The following GRIK1 variants were observed in gnomAD, a reference collection of about 807,000 sequenced individuals.
The protein encoded by GRIK1 is glutamate receptor ionotropic, kainate 1.
A neutral mutation model predicts 105.7 loss-of-function variants in GRIK1; 69 were observed. That is an observed-to-expected ratio of 0.65 (90% CI 0.54 to 0.80). The LOEUF (loss-of-function observed/expected upper bound fraction) is 0.80, where lower values mean the gene tolerates loss of function less well. Ranked by LOEUF, GRIK1 falls within the 30% of genes least tolerant of loss-of-function variation. The probability of loss-of-function intolerance (pLI) is 0.00; values close to 1 mark genes in which losing one functional copy is unlikely to be tolerated. For missense variants in GRIK1, 1,109 were observed against 1,167.3 expected (o/e 0.95, Z 0.73); for synonymous variants, 438 against 431.3 (o/e 1.02, Z -0.19).
At chr21:29,609,931 G>A (rs1322688427) in intron 7 of GRIK1, among the ~76,000 whole-genome samples, 6 of 152,106 alleles carry the variant, frequency 3.9e-5, no homozygotes, top group Admixed American at 3.9e-4. Context: ...TAATATGCCA[G>A]GAATGTATCT....
chr21:29,844,220 T>C (rs1161685771), intron 1 of GRIK1, among the ~76,000 whole-genome samples: 2 of 152,208 alleles, frequency 1.3e-5, no homozygotes, highest in Middle Eastern at 3.2e-3. Flanking sequence ...CCTTTGCAGA[T>C]ATAGAGCCTT....
chr21:29,771,542 G>A (rs1397342171), intron 1 of GRIK1, among the ~76,000 whole-genome samples: 2 of 152,206 alleles, frequency 1.3e-5, no homozygotes, highest in South Asian at 2.1e-4. Context: ...CCAGTGAAAT[G>A]TTATTCTTGG....
intron 1 of GRIK1, among the ~76,000 whole-genome samples, chr21:29,767,576 A>T (rs890629681): frequency 3.3e-5 from 5 of 152,168 alleles, no homozygotes; most frequent in African/African-American, 1.2e-4. Context: ...AAAACACAGG[A>T]CTTTGGACAT....
chr21:29,663,038 G>A (rs573302489), intron 4 of GRIK1, among the ~76,000 whole-genome samples: 23 of 152,270 alleles, frequency 1.5e-4, no homozygotes, highest in Non-Finnish European at 2.6e-4. Flanking sequence ...GCCACAACAC[G>A]ATGTTCACTA....
chr21:29,926,169 T>C (rs1007636481), intron 1 of GRIK1, among the ~76,000 whole-genome samples: 2 of 152,166 alleles, frequency 1.3e-5, no homozygotes, highest in South Asian at 2.1e-4. Context: ...GATTTCTTTA[T>C]TGATATTTTC....
chr21:29,922,938 A>G (rs1393442196), intron 1 of GRIK1, among the ~76,000 whole-genome samples: 1 of 152,180 alleles, frequency 6.6e-6, no homozygotes, highest in Non-Finnish European at 1.5e-5. Context: ...TGGTTTTCTC[A>G]AGTCTACACT....
intron 1 of GRIK1, among the ~76,000 whole-genome samples, chr21:29,930,782 TA>T (rs1281037770): frequency 6.6e-6 from 1 of 152,222 alleles, no homozygotes; most frequent in East Asian, 1.9e-4. Context: ...AACTGTTATA[TA>T]AAGCTTATTT....
intron 1 of GRIK1, among the ~76,000 whole-genome samples, chr21:29,779,104 A>G (rs753875587): frequency 2.6e-5 from 4 of 152,194 alleles, no homozygotes; most frequent in Non-Finnish European, 4.4e-5. Flanking sequence ...CAGCTTAAGG[A>G]TGAGTATCTG....
At chr21:29,731,708 G>A (rs2064630219) in intron 1 of GRIK1, among the ~76,000 whole-genome samples, 1 of 152,214 alleles carries the variant, frequency 6.6e-6, no homozygotes, top group Non-Finnish European at 1.5e-5. Flanking sequence ...ACACGAACCA[G>A]ATGAATTTTT....
At chr21:29,805,698 C>A (rs555140389) in intron 1 of GRIK1, among the ~76,000 whole-genome samples, 1 of 152,140 alleles carries the variant, frequency 6.6e-6, no homozygotes, top group African/African-American at 2.4e-5. Flanking sequence ...CACAGGGTGC[C>A]AATTCTCCCC....
intron 7 of GRIK1, among the ~76,000 whole-genome samples, chr21:29,625,289 A>G (rs975788942): frequency 1.1e-4 from 16 of 152,202 alleles, no homozygotes; most frequent in African/African-American, 3.6e-4. Flanking sequence ...AGTTTCTGGG[A>G]AGTGAATGTG....
intron 1 of GRIK1, among the ~76,000 whole-genome samples, chr21:29,756,799 C>T (rs1168224827): frequency 1.3e-5 from 2 of 152,190 alleles, no homozygotes; most frequent in South Asian, 2.1e-4. Context: ...CATATTTGTT[C>T]GTTTTAGTTT....
intron 7 of GRIK1, among the ~76,000 whole-genome samples, chr21:29,615,129 G>GT (rs371917469): frequency 6.6e-6 from 1 of 151,470 alleles, no homozygotes; most frequent in African/African-American, 2.4e-5. Flanking sequence ...GGAATGCATA[G>GT]TTTTTTTCTT....
intron 1 of GRIK1, among the ~76,000 whole-genome samples, chr21:29,907,559 T>G (rs184449769): frequency 2.6e-5 from 4 of 152,272 alleles, no homozygotes; most frequent in Admixed American, 2.6e-4. Context: ...GAGAAGAATC[T>G]AAGTTCAGCT....
rs565408018 is a variant in GRIK1 at position 29,574,711 on chromosome 21, G to A, written c.2130+2253C>T. Among the ~76,000 whole-genome samples, 232 of 135,450 alleles carry A rather than the reference G, an allele frequency of 1.7e-3. 1 individual carries two copies. The highest frequency in any genetic ancestry group is 6.4e-3 in the African/African-American group (218 of 34,094). 88.9% of individuals were successfully genotyped at this position (135,450 alleles called of 152,430 possible). A position where few individuals can be genotyped will look rare whatever the true frequency, so the allele number is the denominator to read the frequency against. On this transcript the variant is annotated intron_variant, in intron 14 of 17. Transcript: ENST00000327783. Reference sequence around the variant, plus strand: ...TTTTTTTTTTTTTTTTTTTTGAGACGGAGTCTCGCTCTGTGGCCCAGGCGG... The same window carrying A: ...TTTTTTTTTTTTTTTTTTTTGAGACAGAGTCTCGCTCTGTGGCCCAGGCGG...
chr21:29,594,598 G>GT (rs1177461877), intron 9 of GRIK1, among the ~76,000 whole-genome samples: 1 of 152,168 alleles, frequency 6.6e-6, no homozygotes, highest in Non-Finnish European at 1.5e-5. Context: ...GCAGCCATGT[G>GT]TTATCTAGGA....
chr21:29,651,367 T>C, intron 5 of GRIK1, 76 bp from the exon 6 acceptor site: 1 of 967,784 alleles, frequency 1.0e-6, no homozygotes, highest in Non-Finnish European at 1.5e-6. Flanking sequence ...TATTAATGAT[T>C]GTAGCACCAA....
chr21:29,765,061 T>C (rs1419625080), intron 1 of GRIK1, among the ~76,000 whole-genome samples: 1 of 152,172 alleles, frequency 6.6e-6, no homozygotes, highest in Non-Finnish European at 1.5e-5. Context: ...TAGTGAGATA[T>C]ATTTCCTTTA....
At chr21:29,892,870 C>T (rs1250772124) in intron 1 of GRIK1, among the ~76,000 whole-genome samples, 1 of 152,178 alleles carries the variant, frequency 6.6e-6, no homozygotes, top group African/African-American at 2.4e-5. Context: ...ACCTCCAAAA[C>T]ATTCTGAGGG....
Sources: gnomAD v4.1 joint callset for allele counts (sites outside exome capture counted in the v4.1 genomes callset) on GRCh38, gnomAD v4.1.1 for gene constraint, MANE v1.5 for transcripts, NCBI Gene and HGNC (gene_info 2026-07-23, HGNC 2026-07-21) for gene names.